Variants in ADCY4 observed in about 807,000 individuals in gnomAD.
The protein encoded by ADCY4 is adenylate cyclase 4.
A neutral mutation model predicts 125.5 loss-of-function variants in ADCY4; 111 were observed. That is an observed-to-expected ratio of 0.88 (90% CI 0.76 to 1.04). ADCY4 has a LOEUF of 1.04. Among genes scored for constraint, ADCY4 ranks in the 50% least tolerant of loss-of-function variants. The pLI is 0.00. For missense variants in ADCY4, 1,256 were observed against 1,382.9 expected (o/e 0.91, Z 1.46); for synonymous variants, 576 against 586.9 (o/e 0.98, Z 0.27).
In ADCY4 at chr14:24,332,100, C is replaced by T. The variant is rs549297603; in HGVS notation, c.520-163G>A. 1.5e-5 allele frequency: 13 copies of T among 885,980 alleles called. No individual in the cohort carries two copies. In the Admixed American group the frequency reaches 2.0e-4, roughly 13 times the overall value. The allele number at this position is 885,980 out of a possible 1,614,324, so 54.9% of individuals were successfully genotyped here. On this transcript the variant is annotated intron_variant, in intron 3 of 24. Coordinates refer to ENST00000418030, the MANE Select transcript of ADCY4 (RefSeq NM_001198568.2). ...CACTGTGGCATCCCTAGGGACGTTTCCCTTCCCAGATGCTCCCTCCTCCAG... is the reference window on the plus strand; with the variant it reads ...CACTGTGGCATCCCTAGGGACGTTTTCCTTCCCAGATGCTCCCTCCTCCAG...
Position 24,325,826 on chromosome 14 carries a change from C to T in ADCY4, c.1717G>A (p.Glu573Lys). Residue 573 changes from glutamate to lysine, a missense_variant, in exon 13 of 25, where the codon GAG (glutamate) becomes AAG (lysine). Transcript: ENST00000418030. Reference protein sequence around the residue: ...LTLYFREKEMEKEYRLSAIPA... With the variant: ...LTLYFREKEMKKEYRLSAIPA... ...CCCACACCACAGCCCACCTCTTTCT[C>T]CATCTCCTTCTCTCTGAAGTACAGT... 1 of 1,596,680 alleles carries T rather than the reference C, an allele frequency of 6.3e-7. No individual in the cohort carries two copies. Among genetic ancestry groups the T allele is most frequent in the Non-Finnish European group, 8.5e-7 (1 of 1,169,660 alleles).
At chr14:24,324,482 G>C in intron 14 of ADCY4, 91 bp from the exon 15 acceptor site, 1 of 1,435,064 alleles carries the variant, frequency 7.0e-7, no homozygotes, top group Non-Finnish European at 9.7e-7. Context: ...GGAGATAGGG[G>C]AAGTGGTTCT....
rs867198865 is a variant in ADCY4 at position 24,332,551 on chromosome 14, G to T, written c.490C>A (p.Pro164Thr). ...GGCAGCAGTGCAGGCCGTGAGTCCG[G>T]CTGTGGCCCAAGATACAGCCCGAGG... is the stretch of plus-strand genomic sequence containing the variant. ...LVLGLYLGPQ[P>T]DSRPALLPQL... The change falls in exon 3 of 25, where the codon CCG becomes ACG. Residue 164 changes from proline (P) to threonine (T), a missense_variant. By Grantham distance (38) the Pro-to-Thr change is conservative. Coordinates refer to ENST00000418030, the MANE Select transcript of ADCY4 (RefSeq NM_001198568.2). 5.7e-6 allele frequency: 9 copies of T among 1,572,872 alleles called. No individual in the cohort carries two copies. The highest frequency in any genetic ancestry group is 1.3e-5 in the African/African-American group (1 of 74,292).
Position 24,326,066 on chromosome 14 carries a change from T to C in ADCY4, c.1655+13A>G. 6.4e-7 allele frequency: 1 copy of C among 1,570,106 alleles called. No individual in the cohort carries two copies. On this transcript the variant is annotated intron_variant, in intron 12 of 24. Transcript: ENST00000418030. ...GGGCCTGCGGCCCCCCCAGCCCTCT[T>C]TGTTCTCCGTACTTCTGCGAGTTGA...
At chr14:24,331,186 C>T (rs574057498) in intron 5 of ADCY4, 22 bp downstream of exon 5, 1 of 1,613,980 alleles carries the variant, frequency 6.2e-7, no homozygotes. Context: ...GGCCCCTCCC[C>T]TCCAGCCATT....
chr14:24,320,295 G>A (rs954892644), intron 20 of ADCY4, among the ~76,000 whole-genome samples: 7 of 152,138 alleles, frequency 4.6e-5, no homozygotes, highest in African/African-American at 1.7e-4. Context: ...GAAAGATGAA[G>A]TAAGCAACAA....
chr14:24,330,079 C>T (rs2139219775), intron 7 of ADCY4, 61 bp from the exon 8 acceptor site: 4 of 1,598,898 alleles, frequency 2.5e-6, no homozygotes. Context: ...GTGAGACACC[C>T]CAGATTCTCA....
chr14:24,330,205 A>G lies in ADCY4; in HGVS notation c.1021T>C (p.Cys341Arg). ...PLSLPDHAIN[C>R]VRMGLDMCRA... The stretch of plus-strand genomic sequence containing the variant: ...CACATGTCCAGGCCCATGCGCACGC[A>G]GTTGATGGCATGGTCTGGCAGTGAG... The change falls in exon 7 of 25, where the codon TGC becomes CGC. Residue 341 changes from cysteine (C) to arginine (R), a missense_variant. Coordinates refer to ENST00000418030, the MANE Select transcript of ADCY4 (RefSeq NM_001198568.2). The G allele has an allele frequency of 6.2e-7, 1 of 1,614,154 alleles. No individual in the cohort carries two copies. Among genetic ancestry groups the G allele is most frequent in the Non-Finnish European group, 8.5e-7 (1 of 1,180,024 alleles).
chr14:24,322,118 A>T lies in ADCY4; in HGVS notation c.2534T>A (p.Val845Glu), dbSNP rs1207094702. The T allele has an allele frequency of 3.1e-6, 5 of 1,614,102 alleles. No homozygotes were observed. The highest frequency in any genetic ancestry group is 3.4e-6 in the Non-Finnish European group (4 of 1,179,994). ...ENLTRLLLEN[V>E]LPAHVAPQFI... ...CTGGGGGGCCACGTGTGCAGGGAGC[A>T]CGTTCTCCAAGAGCAGCCGAGTCAG... The change falls in exon 20 of 25, where the codon GTG becomes GAG. Residue 845 changes from valine to glutamate, a missense_variant. Physicochemically the swap from Val to Glu is moderately radical, Grantham distance 121. Coordinates refer to ENST00000418030, the MANE Select transcript of ADCY4 (RefSeq NM_001198568.2).
At chr14:24,331,482 C>T in intron 4 of ADCY4, 126 bp from the exon 5 acceptor site, 1 of 1,319,336 alleles carries the variant, frequency 7.6e-7, no homozygotes, top group East Asian at 2.5e-5. Flanking sequence ...CCCAGGTCCT[C>T]CCGCTGCACA....
chr14:24,333,613 T>A (rs952245589), intron 1 of ADCY4, among the ~76,000 whole-genome samples: 1 of 152,230 alleles, frequency 6.6e-6, no homozygotes, highest in African/African-American at 2.4e-5. Context: ...AGCCTCAGTT[T>A]TCTTATCTGT....
intron 14 of ADCY4, 68 bp downstream of exon 14, chr14:24,325,309 C>T: frequency 1.5e-6 from 2 of 1,360,368 alleles, no homozygotes; most frequent in East Asian, 4.6e-5. Context: ...AAAGTGTGGC[C>T]CGGGGTCATG....
In ADCY4 at chr14:24,319,442, T is replaced by C; in HGVS notation, c.2734-6A>G. ...AACTTGGGCTTGGAGAGCAGCTGTA[T>C]ATAGAGAAGAGTCCTGTCCCCAGTC... On this transcript the variant is annotated splice_polypyrimidine_tract_variant and splice_region_variant and intron_variant, in intron 21 of 24. Transcript: ENST00000418030. The surrounding 1 kb of genome is among the most constrained non-coding windows in gnomAD (Gnocchi z 4.5). 2 of 1,613,788 alleles carry C rather than the reference T, an allele frequency of 1.2e-6. No homozygotes were observed. Among genetic ancestry groups the C allele is most frequent in the Middle Eastern group, 1.6e-4 (1 of 6,062 alleles).
intron 13 of ADCY4, 71 bp downstream of exon 13, chr14:24,325,747 G>A: frequency 6.6e-7 from 1 of 1,525,182 alleles, no homozygotes; most frequent in East Asian, 2.4e-5. Context: ...GAGACCCAAG[G>A]GCTGACCCCT....
Position 24,326,303 on chromosome 14 carries a change from C to A in ADCY4, c.1564G>T (p.Asp522Tyr). ...LASFSTQWSL[D>Y]RSRTPRGLDD... is the part of the protein sequence containing the mutation. Reference sequence around the variant, plus strand: ...AAGACTTTGAGGCCTCCTCACCGATCCAGGCTCCACTGGGTGCTGAAGGAA... The same window carrying A: ...AAGACTTTGAGGCCTCCTCACCGATACAGGCTCCACTGGGTGCTGAAGGAA... The change falls in exon 11 of 25, where the codon GAT becomes TAT. Residue 522 changes from aspartate to tyrosine, a missense_variant. By Grantham distance (160) the Asp-to-Tyr change is radical. Coordinates refer to ENST00000418030, the MANE Select transcript of ADCY4 (RefSeq NM_001198568.2). 1.9e-6 allele frequency: 3 copies of A among 1,614,100 alleles called. No individual in the cohort carries two copies. Among genetic ancestry groups the A allele is most frequent in the Non-Finnish European group, 2.5e-6 (3 of 1,180,028 alleles).
rs2041926497 is a variant in ADCY4, at chr14:24,325,431, C to A, written c.1769G>T (p.Cys590Phe). ...GTTGGAGAGAAAAACCAGGAAGGTGCAGGCTTCATAGTATTTGAAGGCGGG... is the reference window on the plus strand; with the variant it reads ...GTTGGAGAGAAAAACCAGGAAGGTGAAGGCTTCATAGTATTTGAAGGCGGG... The part of the protein sequence containing the change: ...AIPAFKYYEA[C>F]TFLVFLSNFI... The change falls in exon 14 of 25, where the codon TGC becomes TTC. Residue 590 changes from cysteine to phenylalanine, a missense_variant. Transcript: ENST00000418030. 6.2e-7 allele frequency: 1 copy of A among 1,613,566 alleles called. No homozygotes were observed. Among genetic ancestry groups the A allele is most frequent in the Admixed American group, 1.7e-5 (1 of 59,952 alleles).
chr14:24,324,515 A>G lies in ADCY4; in HGVS notation c.1824-124T>C, dbSNP rs181286255. ...TCTGGGGAATCTGGGTTGGCTGGCGATGGGGTCCCGGCTGATAGAAGACAT... is the reference window on the plus strand; with the variant it reads ...TCTGGGGAATCTGGGTTGGCTGGCGGTGGGGTCCCGGCTGATAGAAGACAT... On this transcript the variant is annotated intron_variant, in intron 14 of 24. Transcript: ENST00000418030. 32 of 1,111,406 alleles carry G rather than the reference A, an allele frequency of 2.9e-5. No individual in the cohort carries two copies. The Admixed American group carries it at 5.1e-4, about 18-fold the overall frequency. The allele number at this position is 1,111,406 out of a possible 1,614,324, so 68.8% of individuals were successfully genotyped here.
In ADCY4 at chr14:24,331,003, G is replaced by T; in HGVS notation, c.930+15C>A. 1 of 1,584,630 alleles carries T rather than the reference G, an allele frequency of 6.3e-7. No individual in the cohort carries two copies. The highest frequency in any genetic ancestry group is 8.6e-7 in the Non-Finnish European group (1 of 1,160,420). On this transcript the variant is annotated intron_variant, in intron 6 of 24. Transcript: ENST00000418030. Reference sequence around the variant, plus strand: ...GTTTGAGGGTCCCTGGGTGGGGAGGGAAGTCTTCTCTGACCTTGGCAATCT... The same window carrying T: ...GTTTGAGGGTCCCTGGGTGGGGAGGTAAGTCTTCTCTGACCTTGGCAATCT...
In ADCY4 at chr14:24,334,532, G is replaced by A. The variant is rs2042102731; in HGVS notation, c.121C>T (p.Leu41Phe). The part of the protein sequence containing the change: ...LLLLGIVLCA[L>F]AALLAVAWAS... ...CAGGCCACTGCGAGCAGCGCCGCGA[G>A]CGCACAGAGCACGATCCCCAGCAGC... The change falls in exon 1 of 25, where the codon CTC becomes TTC. Residue 41 changes from leucine (L) to phenylalanine (F), a missense_variant. By Grantham distance (22) the Leu-to-Phe change is conservative (BLOSUM62 0). Coordinates refer to ENST00000418030, the MANE Select transcript of ADCY4 (RefSeq NM_001198568.2). The A allele has an allele frequency of 1.3e-6, 2 of 1,583,538 alleles. No homozygotes were observed. The highest frequency in any genetic ancestry group is 2.7e-5 in the African/African-American group (2 of 74,566).
Sources: gnomAD v4.1 joint callset for allele counts (sites outside exome capture counted in the v4.1 genomes callset) on GRCh38, gnomAD v4.1.1 for gene constraint, Gnocchi (gnomAD v3.1) non-coding constraint, MANE v1.5 for transcripts, NCBI Gene and HGNC (gene_info 2026-07-23, HGNC 2026-07-21) for gene names.